Variants in PPP1R26 observed in about 807,000 individuals in gnomAD.
PPP1R26 encodes protein phosphatase 1 regulatory subunit 26, also known as 1A6/DRIM (down-regulated in metastasis) interacting protein.
In PPP1R26, 22 loss-of-function variants were observed where a neutral mutation model predicts 67.6. That is an observed-to-expected ratio of 0.33 (90% CI 0.23 to 0.46). PPP1R26 has a LOEUF of 0.46. Ranked by LOEUF, PPP1R26 falls within the 20% of genes least tolerant of loss-of-function variation. The pLI, the probability that PPP1R26 is intolerant of heterozygous loss-of-function variation, is 1.00. For missense variants in PPP1R26, 1,602 were observed against 1,651.4 expected (o/e 0.97, Z 0.52); for synonymous variants, 729 against 717.2 (o/e 1.02, Z -0.26).
In PPP1R26 at chr9:135,487,257, C is replaced by T; in HGVS notation, c.2747C>T (p.Thr916Ile). ...RGTESAGAQG[T>I]AGLFSQGGKG... Reference sequence around the variant, plus strand: ...ACAGAGAGCGCAGGAGCACAGGGCACAGCTGGTCTGTTCAGCCAGGGCGGG... The same window carrying T: ...ACAGAGAGCGCAGGAGCACAGGGCATAGCTGGTCTGTTCAGCCAGGGCGGG... Residue 916 changes from threonine (T) to isoleucine (I), a missense_variant, in exon 4 of 4, where the codon ACA (threonine) becomes ATA (isoleucine). Around this residue, in one of 5 missense-constraint regions of PPP1R26, gnomAD observed 740 missense variants for 696.3 expected, o/e 1.06. Coordinates refer to ENST00000356818, the MANE Select transcript of PPP1R26 (RefSeq NM_014811.5). 1.3e-6 allele frequency: 2 copies of T among 1,569,224 alleles called. No homozygotes were observed. Among genetic ancestry groups the T allele is most frequent in the Non-Finnish European group, 1.7e-6 (2 of 1,158,630 alleles).
At position 135,487,103 on chromosome 9, in the gene PPP1R26, G is replaced by A. The variant is rs569134904; in HGVS notation, c.2593G>A (p.Ala865Thr). 4.3e-6 allele frequency: 7 copies of A among 1,611,548 alleles called. No homozygotes were observed. Among genetic ancestry groups the A allele is most frequent in the East Asian group, 2.2e-5 (1 of 44,872 alleles). The change falls in exon 4 of 4, where the codon GCT becomes ACT. Residue 865 changes from alanine (A) to threonine (T), a missense_variant. Around this residue, in one of 5 missense-constraint regions of PPP1R26, gnomAD observed 740 missense variants for 696.3 expected, o/e 1.06. Transcript: ENST00000356818. ...AGAAGTTCAGGCAGAGGGCCCCACC[G>A]CTCTTGGGACAGGGGGCCCAGCCAG... ...SSEVQAEGPT[A>T]LGTGGPARPE... is the part of the protein sequence containing the mutation.
At position 135,488,428 on chromosome 9, in the gene PPP1R26, A is replaced by G. The variant is rs948826432; in HGVS notation, c.*288A>G. ...CTAACTGCAGTTTTCTGTGTTCTGC[A>G]TACAAGTCTTAGCTTAGGAAACATT... On this transcript the variant is annotated 3_prime_UTR_variant, in exon 4 of 4. Coordinates refer to ENST00000356818, the MANE Select transcript of PPP1R26 (RefSeq NM_014811.5). 2.0e-5 allele frequency: 6 copies of G among 306,504 alleles called. No homozygotes were observed. The highest frequency in any genetic ancestry group is 3.5e-5 in the Non-Finnish European group (6 of 172,598). The allele number at this position is 306,504 out of a possible 1,614,324, so 19.0% of individuals were successfully genotyped here. A position where few individuals can be genotyped will look rare whatever the true frequency, so the allele number is the denominator to read the frequency against.
Position 135,487,191 on chromosome 9 carries a change from G to A in PPP1R26, c.2681G>A (p.Arg894Lys), listed in dbSNP as rs777526855. 3.1e-6 allele frequency: 5 copies of A among 1,603,936 alleles called. No homozygotes were observed. The South Asian group carries it at 4.4e-5, about 14-fold the overall frequency. Residue 894 changes from arginine (R) to lysine (K), a missense_variant, in exon 4 of 4, where the codon AGG (arginine) becomes AAG (lysine). Around this residue, in one of 5 missense-constraint regions of PPP1R26, gnomAD observed 740 missense variants for 696.3 expected, o/e 1.06. Transcript: ENST00000356818. ...CCTGGCGTGTGCACACGCAGCCAGAGGGCCAGGGGGGTCCCACATCTGGCC... is the reference window on the plus strand; with the variant it reads ...CCTGGCGTGTGCACACGCAGCCAGAAGGCCAGGGGGGTCCCACATCTGGCC... The part of the protein sequence containing the change: ...PPPGVCTRSQ[R>K]ARGVPHLAEG...
rs1219332056 is a variant in PPP1R26, at chr9:135,487,411, A to C, written c.2901A>C (p.Arg967=). The change falls in exon 4 of 4, where the codon CGA becomes CGC. Residue 967 remains arginine, a synonymous_variant. Coordinates refer to ENST00000356818, the MANE Select transcript of PPP1R26 (RefSeq NM_014811.5). ...ACGTTCACAAAGACCAGAGCCCACG[A>C]GGGGCTGAGCCTGCTGCCAAAAGTG... The part of the protein sequence containing the change: ...NVYVHKDQSP[R]GAEPAAKSAF... 1 of 1,596,552 alleles carries C rather than the reference A, an allele frequency of 6.3e-7. No homozygotes were observed. The highest frequency in any genetic ancestry group is 1.7e-5 in the Admixed American group (1 of 57,210).
At position 135,486,327 on chromosome 9, in the gene PPP1R26, C is replaced by T. The variant is rs1413279894; in HGVS notation, c.1817C>T (p.Thr606Met). 2.5e-6 allele frequency: 4 copies of T among 1,613,004 alleles called. No homozygotes were observed. Among genetic ancestry groups the T allele is most frequent in the African/African-American group, 1.3e-5 (1 of 75,040 alleles). Residue 606 changes from threonine (T) to methionine (M), a missense_variant, in exon 4 of 4, where the codon ACG becomes ATG. Transcript: ENST00000356818. This position sits in a 1 kb window ranked among gnomAD's most constrained non-coding sequence, Gnocchi z 6.2. ...RRGGGHVRPS[T>M]PKKMQEVVKD... ...GGTGGTGGCCATGTGAGGCCATCCA[C>T]GCCCAAGAAAATGCAGGAGGTGGTG...
chr9:135,488,734 A>G lies in PPP1R26; in HGVS notation c.*594A>G, dbSNP rs544173857. 15 of 167,238 alleles carry G rather than the reference A, an allele frequency of 9.0e-5. No individual in the cohort carries two copies. Among genetic ancestry groups the G allele is most frequent in the African/African-American group, 3.4e-4 (14 of 41,588 alleles). 10.4% of individuals were successfully genotyped at this position (167,238 alleles called of 1,614,324 possible). The stretch of plus-strand genomic sequence containing the variant: ...AAAAACGTTTCGAAGCACAGTGGCC[A>G]GCGAGCGAGCACGTGGCTACTCCCT... On this transcript the variant is annotated 3_prime_UTR_variant, in exon 4 of 4. Coordinates refer to ENST00000356818, the MANE Select transcript of PPP1R26 (RefSeq NM_014811.5).
At chr9:135,480,697 G>A (rs911960174) in intron 1 of PPP1R26, 4 of 152,478 alleles carry the variant, frequency 2.6e-5, no homozygotes, top group Admixed American at 2.0e-4. Context: ...CCAAGCACAG[G>A]AAATGGCGGT....
At position 135,479,960 on chromosome 9, in the gene PPP1R26, C is replaced by T. The variant is rs1289965235; in HGVS notation, c.-391C>T. ...GGCCCGCCCCCGGCCCGCCGCCTCC[C>T]CCGGGACGTGGGACGCGGGCGCAGG... On this transcript the variant is annotated 5_prime_UTR_variant, in exon 1 of 4. Coordinates refer to ENST00000356818, the MANE Select transcript of PPP1R26 (RefSeq NM_014811.5). This position sits in a 1 kb window ranked among gnomAD's most constrained non-coding sequence, Gnocchi z 5.9. 1 of 145,086 alleles carries T rather than the reference C, an allele frequency of 6.9e-6. No homozygotes were observed. The highest frequency in any genetic ancestry group is 1.5e-5 in the Non-Finnish European group (1 of 65,296). 9.0% of individuals were successfully genotyped at this position (145,086 alleles called of 1,614,324 possible). A position where few individuals can be genotyped will look rare whatever the true frequency, so the allele number is the denominator to read the frequency against.
In PPP1R26 at chr9:135,487,075, T is replaced by C; in HGVS notation, c.2565T>C (p.Ser855=). 6.2e-7 allele frequency: 1 copy of C among 1,611,418 alleles called. No homozygotes were observed. Among genetic ancestry groups the C allele is most frequent in the South Asian group, 1.1e-5 (1 of 90,972 alleles). ...AAAAGGCCAAGGAGTCAGTGAGCAGTTCAGAAGTTCAGGCAGAGGGCCCCA... is the reference window on the plus strand; with the variant it reads ...AAAAGGCCAAGGAGTCAGTGAGCAGCTCAGAAGTTCAGGCAGAGGGCCCCA... The part of the protein sequence containing the change: ...LAEKAKESVS[S]SEVQAEGPTA... Residue 855 remains serine, a synonymous_variant, in exon 4 of 4, where the codon AGT becomes AGC. Transcript: ENST00000356818.
Position 135,484,579 on chromosome 9 carries a change from G to T in PPP1R26, c.69G>T (p.Gly23=). 6.2e-7 allele frequency: 1 copy of T among 1,612,666 alleles called. No individual in the cohort carries two copies. Among genetic ancestry groups the T allele is most frequent in the Non-Finnish European group, 8.5e-7 (1 of 1,179,996 alleles). The change falls in exon 4 of 4, where the codon GGG becomes GGT. Residue 23 remains glycine, a synonymous_variant. Transcript: ENST00000356818. ...AATGGGAGGCCTTTGGCCCGCCAGG[G>T]AGCTGTAGGTTCCCCAGGTGCTTCT... ...QSKWEAFGPP[G]SCRFPRCFSE...
chr9:135,485,455 C>T lies in PPP1R26; in HGVS notation c.945C>T (p.Asn315=), dbSNP rs61743074. 6,136 of 1,612,882 alleles carry T rather than the reference C, an allele frequency of 3.8e-3. 187 individuals carry two copies. The African/African-American group carries it at 0.07, about 18-fold the overall frequency. ...LRSKVTTTQE[N]EGSTKPATPC... ...CCAAGGTCACAACCACGCAGGAGAA[C>T]GAGGGCAGCACGAAGCCGGCAACCC... is the stretch of plus-strand genomic sequence containing the variant. The change falls in exon 4 of 4, where the codon AAC becomes AAT. Residue 315 remains asparagine (N), a synonymous_variant. Transcript: ENST00000356818. The surrounding 1 kb of genome is among the most constrained non-coding windows in gnomAD (Gnocchi z 7.2).
In PPP1R26 at chr9:135,483,026, G is replaced by A. The variant is rs140802818; in HGVS notation, c.-196+211G>A. ...TTTTTTTGAGATGGAGTCTCATTCTGTCGCCCAGACTGGAGTGCAGTGGCA... is the reference window on the plus strand; with the variant it reads ...TTTTTTTGAGATGGAGTCTCATTCTATCGCCCAGACTGGAGTGCAGTGGCA... On this transcript the variant is annotated intron_variant, in intron 2 of 3. Coordinates refer to ENST00000356818, the MANE Select transcript of PPP1R26 (RefSeq NM_014811.5). 6.0e-3 allele frequency among the ~76,000 whole-genome samples: 648 copies of A among 108,788 alleles called. 3 individuals carry two copies. Among genetic ancestry groups the A allele is most frequent in the African/African-American group, 0.023 (632 of 27,792 alleles). The allele number at this position is 108,788 out of a possible 152,430, so 71.4% of individuals were successfully genotyped here.
chr9:135,488,240 A>G lies in PPP1R26; in HGVS notation c.*100A>G. ...GGTTCCGTGGCTGCAAGGAAGGGAAACAGTCTATTATACATAGCCCTGTAT... is the reference window on the plus strand; with the variant it reads ...GGTTCCGTGGCTGCAAGGAAGGGAAGCAGTCTATTATACATAGCCCTGTAT... On this transcript the variant is annotated 3_prime_UTR_variant, in exon 4 of 4. Transcript: ENST00000356818. 2 of 1,428,192 alleles carry G rather than the reference A, an allele frequency of 1.4e-6. No individual in the cohort carries two copies. The highest frequency in any genetic ancestry group is 1.8e-6 in the Non-Finnish European group (2 of 1,090,140). 88.5% of individuals were successfully genotyped at this position (1,428,192 alleles called of 1,614,324 possible). A position where few individuals can be genotyped will look rare whatever the true frequency, so the allele number is the denominator to read the frequency against.
Position 135,486,401 on chromosome 9 carries a change from G to A in PPP1R26, c.1891G>A (p.Gly631Ser), listed in dbSNP as rs372379068. 3.1e-5 allele frequency: 50 copies of A among 1,613,092 alleles called. No homozygotes were observed. The highest frequency in any genetic ancestry group is 4.5e-5 in the East Asian group (2 of 44,852). ...ADHSQGRAEP[G>S]HERRDLPIQG... is the part of the protein sequence containing the mutation. Reference sequence around the variant, plus strand: ...CCACAGCCAGGGGAGAGCTGAGCCCGGCCATGAGAGGCGAGACCTGCCCAT... The same window carrying A: ...CCACAGCCAGGGGAGAGCTGAGCCCAGCCATGAGAGGCGAGACCTGCCCAT... Residue 631 changes from glycine to serine, a missense_variant, in exon 4 of 4, where the codon GGC becomes AGC. Coordinates refer to ENST00000356818, the MANE Select transcript of PPP1R26 (RefSeq NM_014811.5). The surrounding 1 kb of genome is among the most constrained non-coding windows in gnomAD (Gnocchi z 6.2).
rs779348269 is a variant in PPP1R26, at chr9:135,487,404, G to A, written c.2894G>A (p.Ser965Asn). 3.1e-6 allele frequency: 5 copies of A among 1,591,242 alleles called. No individual in the cohort carries two copies. The East Asian group carries it at 6.7e-5, about 21-fold the overall frequency. The change falls in exon 4 of 4, where the codon AGC becomes AAC. Residue 965 changes from serine (S) to asparagine (N), a missense_variant. This residue lies in a region of PPP1R26 where 740 missense variants were observed against 696.3 expected (regional missense o/e 1.06). Coordinates refer to ENST00000356818, the MANE Select transcript of PPP1R26 (RefSeq NM_014811.5). The stretch of plus-strand genomic sequence containing the variant: ...AATGTTTACGTTCACAAAGACCAGA[G>A]CCCACGAGGGGCTGAGCCTGCTGCC... The part of the protein sequence containing the change: ...RRNVYVHKDQ[S>N]PRGAEPAAKS...
In PPP1R26 at chr9:135,484,500, C is replaced by G. The variant is rs1437281940; in HGVS notation, c.-11C>G. 17 of 1,567,154 alleles carry G rather than the reference C, an allele frequency of 1.1e-5. No homozygotes were observed. Among genetic ancestry groups the G allele is most frequent in the Admixed American group, 2.0e-5 (1 of 50,806 alleles). ...CATCGCCCCTCTGCGCGCCCCTCCC[C>G]GTCTGCTAGAATGTTTCTCATGAAC... On this transcript the variant is annotated 5_prime_UTR_variant, in exon 4 of 4. Coordinates refer to ENST00000356818, the MANE Select transcript of PPP1R26 (RefSeq NM_014811.5).
chr9:135,484,937 G>T lies in PPP1R26; in HGVS notation c.427G>T (p.Ala143Ser), dbSNP rs756415392. The stretch of plus-strand genomic sequence containing the variant: ...GGAGGCCATCCAGGAGTACCTGAAG[G>T]CAAAGAGTGGAGCCGCACAGCCCGG... The part of the protein sequence containing the change: ...IEEAIQEYLK[A>S]KSGAAQPGAG... The change falls in exon 4 of 4, where the codon GCA becomes TCA. Residue 143 changes from alanine (A) to serine (S), a missense_variant. Transcript: ENST00000356818. 1 of 1,581,646 alleles carries T rather than the reference G, an allele frequency of 6.3e-7. No individual in the cohort carries two copies. The highest frequency in any genetic ancestry group is 1.2e-5 in the South Asian group (1 of 85,898).
Position 135,487,456 on chromosome 9 carries a change from C to G in PPP1R26, c.2946C>G (p.Ser982Arg), listed in dbSNP as rs1342168538. The G allele has an allele frequency of 3.7e-6, 6 of 1,610,400 alleles. No homozygotes were observed. The highest frequency in any genetic ancestry group is 5.1e-6 in the Non-Finnish European group (6 of 1,179,696). The change falls in exon 4 of 4, where the codon AGC becomes AGG. Residue 982 changes from serine (S) to arginine (R), a missense_variant. Around this residue, in one of 5 missense-constraint regions of PPP1R26, gnomAD observed 740 missense variants for 696.3 expected, o/e 1.06. Transcript: ENST00000356818. ...AAAGTGCTTTTGGTCAGCTGCCCAG[C>G]TGTGCCACAGCGGGCACCGAGGCAG... The part of the protein sequence containing the change: ...AAKSAFGQLP[S>R]CATAGTEAGG...
chr9:135,485,886 C>G lies in PPP1R26; in HGVS notation c.1376C>G (p.Ala459Gly). 1.2e-6 allele frequency: 2 copies of G among 1,613,542 alleles called. No individual in the cohort carries two copies. Among genetic ancestry groups the G allele is most frequent in the Non-Finnish European group, 8.5e-7 (1 of 1,180,022 alleles). The change falls in exon 4 of 4, where the codon GCG (alanine) becomes GGG (glycine). Residue 459 changes from alanine (A) to glycine (G), a missense_variant. Physicochemically the swap from Ala to Gly is moderately conservative, Grantham distance 60. Transcript: ENST00000356818. The surrounding 1 kb of genome is among the most constrained non-coding windows in gnomAD (Gnocchi z 7.2). ...AAGGAAACCAAAGCTCCACCTCCAG[C>G]GAGCCCTGCTTCCAGGAGTGAGTTT... ...LLKETKAPPP[A>G]SPASRSEFVE...
Sources: gnomAD v4.1 joint callset for allele counts (sites outside exome capture counted in the v4.1 genomes callset) on GRCh38, gnomAD v4.1.1 for gene constraint, gnomAD v4.1.1 regional missense constraint, Gnocchi (gnomAD v3.1) non-coding constraint, MANE v1.5 for transcripts, NCBI Gene and HGNC (gene_info 2026-07-23, HGNC 2026-07-21) for gene names.